Variants in ENAH observed in about 807,000 individuals in gnomAD.
The protein encoded by ENAH is ENAH actin regulator.
ENAH carries 23 observed loss-of-function variants against 78.7 expected under a neutral mutation model. The observed-to-expected ratio is 0.29, with a 90% confidence interval of 0.21 to 0.41. The LOEUF (loss-of-function observed/expected upper bound fraction) is 0.41, where lower values mean the gene tolerates loss of function less well. ENAH is among the 10% of genes least tolerant of loss of function. The pLI is 1.00. For synonymous variants in ENAH, 226 were observed against 241.0 expected (o/e 0.94, Z 0.58); for missense variants, 544 against 691.0 (o/e 0.79, Z 2.39).
chr1:225,520,515 A>C (rs1261612111), intron 4 of ENAH, among the ~76,000 whole-genome samples: 2 of 152,066 alleles, frequency 1.3e-5, no homozygotes, highest in Non-Finnish European at 2.9e-5. Flanking sequence ...AATAAAATGT[A>C]ACCATTTCCC....
intron 3 of ENAH, among the ~76,000 whole-genome samples, chr1:225,553,977 A>G (rs1212436587): frequency 6.6e-6 from 1 of 152,230 alleles, no homozygotes; most frequent in East Asian, 1.9e-4. Context: ...TAGATGCTTC[A>G]ACCCTTTTTA....
intron 1 of ENAH, among the ~76,000 whole-genome samples, chr1:225,648,757 CCTTT>C (rs1662432730): frequency 7.9e-6 from 1 of 127,200 alleles, no homozygotes; most frequent in Non-Finnish European, 1.6e-5. Flanking sequence ...AAGATTATCT[CCTTT>C]TTTTTTTTTT....
At position 225,491,477 on chromosome 1, in the gene ENAH, T is replaced by TAAA. The variant is rs11377355; in HGVS notation, c.*6295_*6297dup. The stretch of plus-strand genomic sequence containing the variant: ...TTATTTTTAAAATGCCTTTAATCTT[T>TAAA]AAAAAAAAAAATAAAAGAAAAAGAA... On this transcript the variant is annotated 3_prime_UTR_variant, in exon 14 of 14. Transcript: ENST00000366843. 4 of 148,572 alleles carry TAAA rather than the reference T, an allele frequency of 2.7e-5. No individual in the cohort carries two copies. The highest frequency in any genetic ancestry group is 4.3e-4 in the South Asian group (2 of 4,700). 9.2% of individuals were successfully genotyped at this position (148,572 alleles called of 1,614,324 possible).
intron 1 of ENAH, among the ~76,000 whole-genome samples, chr1:225,625,671 G>A (rs2131411): frequency 0.024 from 3,691 of 152,024 alleles, 132 homozygotes; most frequent in African/African-American, 0.084. Context: ...ATGTGCCAAC[G>A]TGCCCGGCTA....
chr1:225,577,857 T>A (rs767546938), intron 1 of ENAH, among the ~76,000 whole-genome samples: 1 of 152,226 alleles, frequency 6.6e-6, no homozygotes, highest in Admixed American at 6.5e-5. Flanking sequence ...ACCTACCACA[T>A]GTAGTCATGT....
At position 225,511,810 on chromosome 1, in the gene ENAH, C is replaced by T; in HGVS notation, c.1471+1G>A. On this transcript the variant is annotated splice_donor_variant, in intron 10 of 13. Transcript: ENST00000366843. LOFTEE classifies it high-confidence loss of function. The stretch of plus-strand genomic sequence containing the variant: ...GGTTAAAATATTTATCTTGAACTTA[C>T]CAGGTGTACTTGTTGAAGAGGCCTT... 1 of 1,599,290 alleles carries T rather than the reference C, an allele frequency of 6.3e-7. No individual in the cohort carries two copies. Among genetic ancestry groups the T allele is most frequent in the Non-Finnish European group, 8.6e-7 (1 of 1,168,804 alleles).
intron 12 of ENAH, among the ~76,000 whole-genome samples, chr1:225,499,255 G>A (rs997133432): frequency 4.6e-5 from 7 of 151,998 alleles, no homozygotes; most frequent in African/African-American, 1.4e-4. Context: ...GCGACAAAGC[G>A]AGACTCTGTC....
At chr1:225,531,797 T>C (rs1053768927) in intron 3 of ENAH, among the ~76,000 whole-genome samples, 4 of 152,108 alleles carry the variant, frequency 2.6e-5, no homozygotes, top group Non-Finnish European at 5.9e-5. Flanking sequence ...TATTAGGATG[T>C]AATGCAGTAC....
intron 1 of ENAH, among the ~76,000 whole-genome samples, chr1:225,584,168 A>AT (rs1238410109): frequency 1.3e-5 from 2 of 152,238 alleles, no homozygotes; most frequent in Non-Finnish European, 2.9e-5. Flanking sequence ...CAAAAAAGGT[A>AT]AATACAGGAT....
At chr1:225,639,054 A>T (rs1214121128) in intron 1 of ENAH, among the ~76,000 whole-genome samples, 1 of 152,220 alleles carries the variant, frequency 6.6e-6, no homozygotes, top group Non-Finnish European at 1.5e-5. Flanking sequence ...AGGTTATTTC[A>T]ATTACAAAGC....
intron 8 of ENAH, 64 bp from the exon 9 acceptor site, chr1:225,512,778 T>C: frequency 6.2e-7 from 1 of 1,608,928 alleles, no homozygotes; most frequent in Admixed American, 1.7e-5. Flanking sequence ...ACCACTTCTC[T>C]ACGAGGAAAG....
chr1:225,595,524 G>A (rs977011170), intron 1 of ENAH, among the ~76,000 whole-genome samples: 1 of 151,976 alleles, frequency 6.6e-6, no homozygotes, highest in African/African-American at 2.4e-5. Context: ...AAATAGTTAG[G>A]TGCCTAAAAC....
chr1:225,500,849 A>T, intron 12 of ENAH, 143 bp downstream of exon 12: 1 of 771,086 alleles, frequency 1.3e-6, no homozygotes, highest in Non-Finnish European at 2.1e-6. Context: ...ATGCAGTACT[A>T]CTAATGCCAC....
At chr1:225,511,462 C>T (rs909565058) in intron 10 of ENAH, among the ~76,000 whole-genome samples, 4 of 152,176 alleles carry the variant, frequency 2.6e-5, no homozygotes, top group South Asian at 2.1e-4. Flanking sequence ...ATCAATATCA[C>T]CCAAATGAAT....
At chr1:225,653,317 G>A (rs1173456517), upstream of ENAH, among the ~76,000 whole-genome samples, 1 of 151,072 alleles carries the variant, frequency 6.6e-6, no homozygotes, top group African/African-American at 2.4e-5. This position sits in a 1 kb window ranked among gnomAD's most constrained non-coding sequence, Gnocchi z 4.3. Flanking sequence ...AGCGAGGCTG[G>A]GAGAGAGCGA....
Position 225,514,752 on chromosome 1 carries a change from A to C in ENAH, c.1062T>G (p.Pro354=). 5.2e-6 allele frequency: 1 copy of C among 193,238 alleles called. No individual in the cohort carries two copies. The highest frequency in any genetic ancestry group is 7.9e-6 in the Non-Finnish European group (1 of 126,324). 12.0% of individuals were successfully genotyped at this position (193,238 alleles called of 1,614,324 possible). The stretch of plus-strand genomic sequence containing the variant: ...GAGGGGGTACTTGATTAGGGAGAGG[A>C]GGGGGAGGAGGGGGCGGTGGAGGCC... ...STGPPPPPPP[P]PLPNQVPPPP... is the part of the protein sequence containing the mutation. Residue 354 remains proline (P), a synonymous_variant, in exon 7 of 14, where the codon CCT becomes CCG. Coordinates refer to ENST00000366843, the MANE Select transcript of ENAH (RefSeq NM_018212.6).
intron 1 of ENAH, among the ~76,000 whole-genome samples, chr1:225,574,334 C>T (rs138451186): frequency 7.2e-5 from 11 of 152,294 alleles, no homozygotes; most frequent in African/African-American, 2.4e-4. Context: ...GGCGCGGTGG[C>T]TCACACCTGT....
chr1:225,571,900 A>C (rs751425621), intron 1 of ENAH, among the ~76,000 whole-genome samples: 1 of 152,106 alleles, frequency 6.6e-6, no homozygotes, highest in Non-Finnish European at 1.5e-5. Context: ...CCTCTCTTCC[A>C]TTTGGCTATT....
chr1:225,616,671 C>G (rs181616816), intron 1 of ENAH, among the ~76,000 whole-genome samples: 1 of 152,122 alleles, frequency 6.6e-6, no homozygotes, highest in Non-Finnish European at 1.5e-5. Flanking sequence ...AAAAGTGATA[C>G]CACCAATCAG....
Sources: gnomAD v4.1 joint callset for allele counts (sites outside exome capture counted in the v4.1 genomes callset) on GRCh38, gnomAD v4.1.1 for gene constraint, Gnocchi (gnomAD v3.1) non-coding constraint, MANE v1.5 for transcripts, NCBI Gene and HGNC (gene_info 2026-07-23, HGNC 2026-07-21) for gene names.